Variants in MRO observed in about 807,000 individuals in gnomAD.
MRO encodes the protein protein maestro.
In MRO, 28 loss-of-function variants were observed where a neutral mutation model predicts 31.0. That is an observed-to-expected ratio of 0.90 (90% CI 0.67 to 1.24). MRO has a LOEUF of 1.24. Ranked by LOEUF, MRO falls within the 50% of genes most tolerant of loss-of-function variation. The pLI is 0.00. For missense variants in MRO, 332 were observed against 289.2 expected (o/e 1.15, Z -1.07); for synonymous variants, 108 against 108.4 (o/e 1.00, Z 0.02).
chr18:50,819,421 A>C lies in MRO; in HGVS notation c.-5+160T>G, dbSNP rs553487174. Reference sequence around the variant, plus strand: ...ATCAGCTTCCTGGTCAACATTGCCCACTTCAGTTTTACAAAGAGAACATTA... The same window carrying C: ...ATCAGCTTCCTGGTCAACATTGCCCCCTTCAGTTTTACAAAGAGAACATTA... On this transcript the variant is annotated intron_variant, in intron 2 of 7. Coordinates refer to ENST00000398439, the MANE Select transcript of MRO (RefSeq NM_031939.6). 6.1e-5 allele frequency: 60 copies of C among 985,320 alleles called. No homozygotes were observed. The African/African-American group carries it at 7.8e-4, about 13-fold the overall frequency. The allele number at this position is 985,320 out of a possible 1,614,324, so 61.0% of individuals were successfully genotyped here. A position where few individuals can be genotyped will look rare whatever the true frequency, so the allele number is the denominator to read the frequency against.
intron 2 of MRO, 181 bp downstream of exon 2, chr18:50,819,400 G>T: frequency 1.0e-6 from 1 of 982,760 alleles, no homozygotes; most frequent in Non-Finnish European, 1.2e-6. Flanking sequence ...AACAAAATCA[G>T]CTTCCTGGTC....
In MRO at chr18:50,798,068, T is replaced by C. The variant is rs1278912206; in HGVS notation, c.*1269A>G. On this transcript the variant is annotated 3_prime_UTR_variant, in exon 8 of 8. Coordinates refer to ENST00000398439, the MANE Select transcript of MRO (RefSeq NM_031939.6). Reference sequence around the variant, plus strand: ...CTTTTATAATCCCCCGTGTTTTAAATTGTCTTGAACAAAACGCTCCGGGTG... The same window carrying C: ...CTTTTATAATCCCCCGTGTTTTAAACTGTCTTGAACAAAACGCTCCGGGTG... 1 of 152,184 alleles carries C rather than the reference T, an allele frequency of 6.6e-6. No homozygotes were observed. The highest frequency in any genetic ancestry group is 2.4e-5 in the African/African-American group (1 of 41,442). 9.4% of individuals were successfully genotyped at this position (152,184 alleles called of 1,614,324 possible). A position where few individuals can be genotyped will look rare whatever the true frequency, so the allele number is the denominator to read the frequency against.
At chr18:50,824,768 TA>T (rs1439587524), upstream of MRO, among the ~76,000 whole-genome samples, 1 of 134,186 alleles carries the variant, frequency 7.5e-6, no homozygotes, top group African/African-American at 2.8e-5. Context: ...CACTGTCTTT[TA>T]AAAAAAAGTT....
chr18:50,801,584 C>T lies in MRO; in HGVS notation c.430-80G>A, dbSNP rs552649690. The T allele has an allele frequency of 1.1e-4, 142 of 1,315,476 alleles. No individual in the cohort carries two copies. In the East Asian group the frequency reaches 1.7e-3, roughly 15 times the overall value. The allele number at this position is 1,315,476 out of a possible 1,614,324, so 81.5% of individuals were successfully genotyped here. A position where few individuals can be genotyped will look rare whatever the true frequency, so the allele number is the denominator to read the frequency against. On this transcript the variant is annotated intron_variant, in intron 5 of 7. Coordinates refer to ENST00000398439, the MANE Select transcript of MRO (RefSeq NM_031939.6). ...CTGCATCTGAACACATCACAGCCAT[C>T]GGTCAGAACACATCACAGCCGTCAA...
At position 50,796,658 on chromosome 18, in the gene MRO, G is replaced by C. The variant is rs1182530809; in HGVS notation, c.*2679C>G. 1 of 152,308 alleles carries C rather than the reference G, an allele frequency of 6.6e-6. No homozygotes were observed. The highest frequency in any genetic ancestry group is 1.5e-5 in the Non-Finnish European group (1 of 68,154). The allele number at this position is 152,308 out of a possible 1,614,324, so 9.4% of individuals were successfully genotyped here. ...ACACAGAAATAGCAGACTGAGCAAA[G>C]GTGAGGGGGTATAGGAGAACAAGAC... On this transcript the variant is annotated 3_prime_UTR_variant, in exon 8 of 8. Coordinates refer to ENST00000398439, the MANE Select transcript of MRO (RefSeq NM_031939.6).
chr18:50,800,153 A>G lies in MRO; in HGVS notation c.586-10T>C, dbSNP rs369364001. The G allele has an allele frequency of 4.1e-5, 64 of 1,559,334 alleles. 1 individual carries two copies. Among genetic ancestry groups the G allele is most frequent in the Admixed American group, 3.4e-4 (20 of 59,390 alleles). On this transcript the variant is annotated splice_polypyrimidine_tract_variant and intron_variant, in intron 6 of 7. Transcript: ENST00000398439. The stretch of plus-strand genomic sequence containing the variant: ...ATGTTGTTTTGCAAGCCTGAGAAAA[A>G]TAATATTACTATTTTATTTATTAGA...
chr18:50,814,084 G>A (rs1486138401), intron 2 of MRO, among the ~76,000 whole-genome samples: 1 of 152,072 alleles, frequency 6.6e-6, no homozygotes, highest in Non-Finnish European at 1.5e-5. Flanking sequence ...TGTTTCAATA[G>A]AACCTAATGA....
At chr18:50,810,691 C>A (rs1425383864) in intron 2 of MRO, among the ~76,000 whole-genome samples, 1 of 152,154 alleles carries the variant, frequency 6.6e-6, no homozygotes, top group Non-Finnish European at 1.5e-5. Context: ...CCAACTAGTA[C>A]AAACCAGCAC....
At chr18:50,818,709 G>A (rs1915130515) in intron 2 of MRO, among the ~76,000 whole-genome samples, 1 of 152,202 alleles carries the variant, frequency 6.6e-6, no homozygotes, top group Admixed American at 6.5e-5. Flanking sequence ...AAAATGAGCA[G>A]AAGAAACTGT....
In MRO at chr18:50,809,317, T is replaced by C. The variant is rs1423446441; in HGVS notation, c.84A>G (p.Ile28Met). Residue 28 changes from isoleucine (I) to methionine (M), a missense_variant, in exon 3 of 8, where the codon ATA (isoleucine) becomes ATG (methionine). Transcript: ENST00000398439. ...TGTGTCAGACCTTGGAAAAGAAAGA[T>C]ATCATTGATGTCCTTTTCTGCTTGG... The part of the protein sequence containing the change: ...SQPKQKRTSM[I>M]SFFSKVSWKL... 2 of 1,612,780 alleles carry C rather than the reference T, an allele frequency of 1.2e-6. No individual in the cohort carries two copies. Among genetic ancestry groups the C allele is most frequent in the African/African-American group, 2.7e-5 (2 of 74,816 alleles).
At chr18:50,815,627 T>A (rs1914851487) in intron 2 of MRO, 1 of 323,478 alleles carries the variant, frequency 3.1e-6, no homozygotes, top group Admixed American at 3.4e-5. Flanking sequence ...GATCAAATTA[T>A]GAATGCATGA....
At chr18:50,819,460 C>A (rs1024240329) in intron 2 of MRO, 121 bp downstream of exon 2, 60 of 1,457,698 alleles carry the variant, frequency 4.1e-5, no homozygotes, top group Non-Finnish European at 5.4e-5. Flanking sequence ...AATCCTACCC[C>A]CTAGAGGTCG....
At chr18:50,806,897 A>G in intron 3 of MRO, 47 bp from the exon 4 acceptor site, 1 of 1,581,960 alleles carries the variant, frequency 6.3e-7, no homozygotes, top group Non-Finnish European at 8.7e-7. Context: ...GTTCAGAGTC[A>G]TACCAATCCC....
At chr18:50,802,443 A>G (rs2144590645) in intron 5 of MRO, among the ~76,000 whole-genome samples, 1 of 152,280 alleles carries the variant, frequency 6.6e-6, no homozygotes, top group South Asian at 2.1e-4. Flanking sequence ...ACTTGCCCAA[A>G]ATCACACTGT....
At chr18:50,819,544 G>A (rs1273859197) in intron 2 of MRO, 37 bp downstream of exon 2, 8 of 1,549,864 alleles carry the variant, frequency 5.2e-6, no homozygotes, top group Non-Finnish European at 5.2e-6. Flanking sequence ...GACGCCTCCC[G>A]CTGCATCTGG....
At chr18:50,801,976 A>G (rs1180623510) in intron 5 of MRO, among the ~76,000 whole-genome samples, 1 of 152,246 alleles carries the variant, frequency 6.6e-6, no homozygotes, top group Non-Finnish European at 1.5e-5. Context: ...TCTCCAAAAA[A>G]TAAAGAAGAA....
chr18:50,808,777 A>G (rs1444485059), intron 3 of MRO, among the ~76,000 whole-genome samples: 2 of 151,262 alleles, frequency 1.3e-5, no homozygotes, highest in African/African-American at 4.9e-5. Flanking sequence ...TGTATTATTG[A>G]GTTAGCAGCA....
intron 5 of MRO, among the ~76,000 whole-genome samples, chr18:50,803,506 C>CAAA (rs1232592810): frequency 7.8e-6 from 1 of 128,268 alleles, no homozygotes; most frequent in Non-Finnish European, 1.7e-5. Context: ...GACCCTGTCT[C>CAAA]AAAAAAAAAA....
intron 5 of MRO, among the ~76,000 whole-genome samples, chr18:50,802,774 G>GGCCTCCAA (rs1913484224): frequency 6.6e-6 from 1 of 151,826 alleles, no homozygotes; most frequent in South Asian, 2.1e-4. Context: ...TGCCCAGGCT[G>GGCCTCCAA]GCCTCCAACT....
Sources: gnomAD v4.1 joint callset for allele counts (sites outside exome capture counted in the v4.1 genomes callset) on GRCh38, gnomAD v4.1.1 for gene constraint, MANE v1.5 for transcripts, NCBI Gene and HGNC (gene_info 2026-07-23, HGNC 2026-07-21) for gene names.